Variants in PALM2AKAP2 observed in about 807,000 individuals in gnomAD.
The protein encoded by PALM2AKAP2 is PALM2 and AKAP2 fusion, also known as PALM2-AKAP2 fusion protein.
In PALM2AKAP2, 37 loss-of-function variants were observed where a neutral mutation model predicts 71.5. That is an observed-to-expected ratio of 0.52 (90% CI 0.40 to 0.68). The LOEUF is 0.68. PALM2AKAP2 is among the 30% of genes least tolerant of loss of function. The probability of loss-of-function intolerance (pLI) is 0.00; values close to 1 mark genes in which losing one functional copy is unlikely to be tolerated. For missense variants in PALM2AKAP2, 1,224 were observed against 1,191.8 expected (o/e 1.03, Z -0.40); for synonymous variants, 468 against 478.8 (o/e 0.98, Z 0.29).
At chr9:110,142,794 T>A (rs1588134174) in intron 2 of PALM2AKAP2, among the ~76,000 whole-genome samples, 1 of 152,210 alleles carries the variant, frequency 6.6e-6, no homozygotes, top group Non-Finnish European at 1.5e-5. Flanking sequence ...GAAATAGATT[T>A]GGAGCCAGAC....
At chr9:109,723,823 T>A (rs1241510775) in intron 1 of PALM2AKAP2, among the ~76,000 whole-genome samples, 1 of 152,136 alleles carries the variant, frequency 6.6e-6, no homozygotes, top group South Asian at 2.1e-4. Flanking sequence ...GATTTTTGTG[T>A]GTTTATTGAT....
chr9:109,934,311 C>T (rs1831175176), intron 6 of PALM2AKAP2, among the ~76,000 whole-genome samples: 1 of 152,136 alleles, frequency 6.6e-6, no homozygotes, highest in African/African-American at 2.4e-5. Flanking sequence ...CTGATGGAGC[C>T]ATCATTTGTC....
intron 1 of PALM2AKAP2, among the ~76,000 whole-genome samples, chr9:110,049,941 C>T (rs539125206): frequency 4.6e-4 from 70 of 152,288 alleles, no homozygotes; most frequent in African/African-American, 1.7e-3. Flanking sequence ...ACAAAGAGGG[C>T]GTCTGGGAGG....
At chr9:110,000,281 C>T (rs1832659065) in intron 6 of PALM2AKAP2, among the ~76,000 whole-genome samples, 1 of 151,244 alleles carries the variant, frequency 6.6e-6, no homozygotes, top group Non-Finnish European at 1.5e-5. Context: ...TTTGTCCTTG[C>T]CATAGTTTGC....
At chr9:109,776,348 C>A (rs894475194), upstream of PALM2AKAP2, among the ~76,000 whole-genome samples, 1 of 152,174 alleles carries the variant, frequency 6.6e-6, no homozygotes, top group African/African-American at 2.4e-5. Flanking sequence ...CCTGTTTCAC[C>A]TAGGGTTCTT....
rs1828800095 is a variant in PALM2AKAP2, at chr9:109,844,645, A to G, written c.46-22846A>G. On this transcript the variant is annotated intron_variant, in intron 1 of 9. Transcript: ENST00000302798. ...GGTGTATTTAAGAAACAGAAATGCCAAGTGTATATGTGTGAGTACACACGT... is the reference window on the plus strand; with the variant it reads ...GGTGTATTTAAGAAACAGAAATGCCGAGTGTATATGTGTGAGTACACACGT... Among the ~76,000 whole-genome samples the G allele has an allele frequency of 3.3e-5, 5 of 152,212 alleles. No homozygotes were observed. The South Asian group carries it at 1.0e-3, about 31-fold the overall frequency.
intron 1 of PALM2AKAP2, among the ~76,000 whole-genome samples, chr9:109,788,373 C>T (rs1827021621): frequency 6.6e-6 from 1 of 152,174 alleles, no homozygotes; most frequent in South Asian, 2.1e-4. Context: ...CTCATAGTAG[C>T]AGCAACTGCC....
intron 1 of PALM2AKAP2, among the ~76,000 whole-genome samples, chr9:109,846,497 G>A (rs529402517): frequency 1.3e-5 from 2 of 152,308 alleles, no homozygotes; most frequent in South Asian, 4.1e-4. Context: ...GTGTTAGAAC[G>A]GAGAAGGCAC....
chr9:109,671,674 T>C (rs1827576394), intron 1 of PALM2AKAP2, among the ~76,000 whole-genome samples: 1 of 152,194 alleles, frequency 6.6e-6, no homozygotes, highest in African/African-American at 2.4e-5. Flanking sequence ...AATCGGTAAA[T>C]TGTTTTGGAC....
At chr9:109,866,083 C>T (rs2131688661) in intron 1 of PALM2AKAP2, among the ~76,000 whole-genome samples, 1 of 152,318 alleles carries the variant, frequency 6.6e-6, no homozygotes, top group African/African-American at 2.4e-5. Flanking sequence ...ACTTAGATAT[C>T]ATATTCTAGT....
intron 2 of PALM2AKAP2, among the ~76,000 whole-genome samples, chr9:109,879,793 C>T (rs953860148): frequency 6.6e-6 from 1 of 151,198 alleles, no homozygotes; most frequent in African/African-American, 2.4e-5. Flanking sequence ...ACCTACCTGG[C>T]TCAAGCGATC....
At chr9:110,018,795 C>T (rs1032134635) in intron 7 of PALM2AKAP2, among the ~76,000 whole-genome samples, 18 of 152,168 alleles carry the variant, frequency 1.2e-4, no homozygotes, top group African/African-American at 3.9e-4. Flanking sequence ...TTCCCAATTA[C>T]GGAGCAGTCA....
At chr9:109,947,704 T>C (rs1237457502) in intron 6 of PALM2AKAP2, among the ~76,000 whole-genome samples, 1 of 152,230 alleles carries the variant, frequency 6.6e-6, no homozygotes, top group African/African-American at 2.4e-5. Context: ...CTGGAGAGTT[T>C]TACTCACTAA....
At chr9:109,807,489 T>C (rs7023921) in intron 1 of PALM2AKAP2, among the ~76,000 whole-genome samples, 92,325 of 151,776 alleles carry the variant, frequency 0.61, 29,492 homozygotes, top group African/African-American at 0.81. Context: ...GCCTGTTTCC[T>C]GGTTCATAGA....
chr9:109,877,078 C>T (rs1292520613), intron 2 of PALM2AKAP2, among the ~76,000 whole-genome samples: 1 of 152,122 alleles, frequency 6.6e-6, no homozygotes, highest in Non-Finnish European at 1.5e-5. Context: ...GCAGAACATC[C>T]CTGCTGGTGT....
intron 1 of PALM2AKAP2, among the ~76,000 whole-genome samples, chr9:109,767,581 C>T (rs1245563619): frequency 6.6e-6 from 1 of 152,222 alleles, no homozygotes; most frequent in Non-Finnish European, 1.5e-5. Flanking sequence ...TGCTTAACCC[C>T]TCCCAAGGCC....
At position 109,687,055 on chromosome 9, in the gene PALM2AKAP2, AT is replaced by A. The variant is rs1827816128; in HGVS notation, c.5+46193del. 2.6e-5 allele frequency among the ~76,000 whole-genome samples: 4 copies of A among 152,174 alleles called. 1 individual carries two copies. Among genetic ancestry groups the A allele is most frequent in the African/African-American group, 9.6e-5 (4 of 41,528 alleles). On this transcript the variant is annotated intron_variant, in intron 1 of 6. Transcript: ENST00000374531. ...GTATTCCATGGTGTATATGTGCCAC[AT>A]TTTCTTAATCCAGTATATCATTGTT...
At chr9:109,756,325 T>TA (rs1828963220) in intron 1 of PALM2AKAP2, among the ~76,000 whole-genome samples, 2 of 152,226 alleles carry the variant, frequency 1.3e-5, no homozygotes, top group African/African-American at 4.8e-5. Flanking sequence ...CATAGGTATT[T>TA]ATTTGTATGT....
intron 7 of PALM2AKAP2, among the ~76,000 whole-genome samples, chr9:110,036,714 G>A (rs1833417628): frequency 6.6e-6 from 1 of 152,106 alleles, no homozygotes; most frequent in Non-Finnish European, 1.5e-5. Context: ...AGGTTTGCAA[G>A]GACCTTAGGA....
Sources: gnomAD v4.1 joint callset for allele counts (sites outside exome capture counted in the v4.1 genomes callset) on GRCh38, gnomAD v4.1.1 for gene constraint, MANE v1.5 for transcripts, NCBI Gene and HGNC (gene_info 2026-07-23, HGNC 2026-07-21) for gene names.